Variants in LOC400499 observed in about 807,000 individuals in gnomAD.
the LOC400499 span, among the ~76,000 whole-genome samples, chr16:11,499,061 G>A: frequency 4.4e-5 from 4 of 91,638 alleles, no homozygotes; most frequent in Middle Eastern, 4.5e-3. Context: ...AGGAGGAAGG[G>A]GGGGAGGGGG....
At chr16:11,504,658 C>T in the LOC400499 span, among the ~76,000 whole-genome samples, 18 of 152,146 alleles carry the variant, frequency 1.2e-4, no homozygotes, top group Non-Finnish European at 1.5e-4. Context: ...TGCAGTGGCT[C>T]ATGCCTGTAA....
chr16:11,470,960 G>A, the LOC400499 span, among the ~76,000 whole-genome samples: 2 of 152,226 alleles, frequency 1.3e-5, no homozygotes, highest in South Asian at 4.1e-4. Flanking sequence ...CTTGAAAAAG[G>A]GGCCAGTGTG....
the LOC400499 span, among the ~76,000 whole-genome samples, chr16:11,490,941 G>A: frequency 6.6e-6 from 1 of 152,180 alleles, no homozygotes; most frequent in African/African-American, 2.4e-5. Context: ...TGACTATACA[G>A]CTACACTGCA....
the LOC400499 span, chr16:11,493,698 G>T: frequency 2.5e-6 from 1 of 397,180 alleles, no homozygotes. Context: ...GCCGGATCTC[G>T]GGTGTGCTGC....
chr16:11,511,164 T>A, the LOC400499 span, among the ~76,000 whole-genome samples: 1 of 146,208 alleles, frequency 6.8e-6, no homozygotes, highest in Non-Finnish European at 1.5e-5. Context: ...GCCTGGCTAA[T>A]TTTTTGTATT....
At chr16:11,380,558 T>G in the LOC400499 span, among the ~76,000 whole-genome samples, 1 of 152,188 alleles carries the variant, frequency 6.6e-6, no homozygotes. Flanking sequence ...GTGTCTTAAT[T>G]TCCTATGAGA....
chr16:11,424,828 G>A, the LOC400499 span, among the ~76,000 whole-genome samples: 4 of 152,146 alleles, frequency 2.6e-5, no homozygotes, highest in South Asian at 6.2e-4. Flanking sequence ...AGGTATCCAC[G>A]CTGCACAAGC....
chr16:11,388,291 T>G, the LOC400499 span, among the ~76,000 whole-genome samples: 1 of 152,158 alleles, frequency 6.6e-6, no homozygotes, highest in Non-Finnish European at 1.5e-5. Flanking sequence ...AACCCCGCCC[T>G]GGGAGCTCTT....
the LOC400499 span, chr16:11,501,053 A>G: frequency 2.5e-6 from 1 of 397,740 alleles, no homozygotes; most frequent in Non-Finnish European, 4.4e-6. Flanking sequence ...ACTGAGGCTC[A>G]GAGAGGTACG....
chr16:11,460,588 G>C, the LOC400499 span: 1 of 1,534,344 alleles, frequency 6.5e-7, no homozygotes, highest in South Asian at 1.2e-5. Context: ...TGCTGCACTC[G>C]TGTGCCGCCT....
the LOC400499 span, among the ~76,000 whole-genome samples, chr16:11,378,280 G>GA: frequency 1.8e-4 from 27 of 149,308 alleles, 3 homozygotes; most frequent in Non-Finnish European, 3.4e-4. Flanking sequence ...GGGGGGAGGG[G>GA]GGAGGTGGAG....
At chr16:11,383,369 G>A in the LOC400499 span, among the ~76,000 whole-genome samples, 2 of 152,114 alleles carry the variant, frequency 1.3e-5, no homozygotes, top group East Asian at 3.9e-4. Context: ...GCCCAGCCTT[G>A]CCAGCTTCTT....
At chr16:11,463,439 T>C in the LOC400499 span, among the ~76,000 whole-genome samples, 1 of 142,166 alleles carries the variant, frequency 7.0e-6, no homozygotes, top group Non-Finnish European at 1.6e-5. Flanking sequence ...CATGGATGTG[T>C]GTGTATACAG....
At chr16:11,456,468 G>A in the LOC400499 span, among the ~76,000 whole-genome samples, 2 of 152,204 alleles carry the variant, frequency 1.3e-5, no homozygotes, top group Admixed American at 6.5e-5. Flanking sequence ...AGGATAACGA[G>A]CAAGGGGGAG....
the LOC400499 span, chr16:11,399,261 T>G: frequency 9.3e-3 from 9,163 of 985,058 alleles, 630 homozygotes; most frequent in African/African-American, 0.15. Context: ...TTCCCCTTGC[T>G]TTTCTTGTCT....
chr16:11,496,080 T>C, the LOC400499 span, among the ~76,000 whole-genome samples: 9 of 151,358 alleles, frequency 5.9e-5, no homozygotes, highest in Admixed American at 4.6e-4. Flanking sequence ...TTTTTTTTTT[T>C]CTCGAGATGG....
the LOC400499 span, among the ~76,000 whole-genome samples, chr16:11,416,927 C>A: frequency 6.6e-6 from 1 of 152,070 alleles, no homozygotes; most frequent in African/African-American, 2.4e-5. Context: ...TCGCAGGCCC[C>A]TCTAAGAGCT....
At chr16:11,494,429 T>C in the LOC400499 span, 1 of 373,318 alleles carries the variant, frequency 2.7e-6, no homozygotes, top group East Asian at 3.9e-5. Flanking sequence ...AGGAGACGGG[T>C]TGAAGTGGGG....
the LOC400499 span, among the ~76,000 whole-genome samples, chr16:11,397,719 A>G: frequency 7.1e-6 from 1 of 141,698 alleles, no homozygotes; most frequent in Non-Finnish European, 1.5e-5. Flanking sequence ...GTCTCTTTAC[A>G]GAAGAGTATG....
Sources: gnomAD v4.1 joint callset for allele counts (sites outside exome capture counted in the v4.1 genomes callset) on GRCh38, gnomAD v4.1.1 for gene constraint, MANE v1.5 for transcripts.